The following ORC1 variants were observed in gnomAD, a reference collection of about 807,000 sequenced individuals.
ORC1 encodes origin recognition complex subunit 1.
A neutral mutation model predicts 98.9 loss-of-function variants in ORC1; 61 were observed. The observed-to-expected ratio is 0.62, with a 90% CI of 0.50 to 0.76. ORC1 has a LOEUF of 0.76. ORC1 is among the 30% of genes least tolerant of loss of function. The pLI is 0.00. For missense variants in ORC1, 979 were observed against 1,072.2 expected, an observed-to-expected ratio of 0.91 and a Z score of 1.21; for synonymous variants, 385 against 406.9, an observed-to-expected ratio of 0.95 and a Z score of 0.65.
At position 52,391,600 on chromosome 1, in the gene ORC1, T is replaced by C. The variant is rs58156353; in HGVS notation, c.1082+1843A>G. 9.4e-3 allele frequency among the ~76,000 whole-genome samples: 1,422 copies of C among 151,724 alleles called. 64 individuals carry two copies. The East Asian group carries it at 0.12, about 13-fold the overall frequency. On this transcript the variant is annotated intron_variant, in intron 6 of 16. Transcript: ENST00000371568. The stretch of plus-strand genomic sequence containing the variant: ...AGCAAGAAAAAAACAAATAATCCCA[T>C]CAAAAAGTGGGCAAAGAGCTGGGTG...
In ORC1 at chr1:52,393,443, C is replaced by G. The variant is rs913318852; in HGVS notation, c.1082G>C (p.Arg361Thr). 1.2e-6 allele frequency: 2 copies of G among 1,614,142 alleles called. No homozygotes were observed. Among genetic ancestry groups the G allele is most frequent in the Non-Finnish European group, 1.7e-6 (2 of 1,180,012 alleles). The change falls in exon 6 of 17, where the codon AGG (arginine) becomes ACG (threonine). Residue 361 changes from arginine to threonine, a missense_variant and splice_region_variant. By Grantham distance (71) the Arg-to-Thr change is moderately conservative. Transcript: ENST00000371568. ...CTCTGTGGGTAATGTCCCTGGTCAC[C>G]TCTTTTTGATGTTTTCTGGTTTCAG... ...VILKPENIKK[R>T]DAKEAKAQNE...
intron 13 of ORC1, among the ~76,000 whole-genome samples, chr1:52,383,171 C>G (rs897753187): frequency 6.6e-6 from 1 of 151,848 alleles, no homozygotes; most frequent in Admixed American, 6.6e-5. Flanking sequence ...GGAGTTCAAG[C>G]AATTCTCCTG....
intron 12 of ORC1, 61 bp downstream of exon 12, chr1:52,383,769 C>A: frequency 6.9e-7 from 1 of 1,451,102 alleles, no homozygotes. Flanking sequence ...TCCCTCCCAT[C>A]CAGCACTTGC....
chr1:52,383,852 G>A lies in ORC1; in HGVS notation c.1841C>T (p.Thr614Ile). ...QFCTRGSPQE[T>I]TVLLVDELDL... is the part of the protein sequence containing the mutation. ...CACCTCATCCACAAGCAGGACGGTG[G>A]TTTCCTGAGGTGACCCTCGGGTGCA... is the stretch of plus-strand genomic sequence containing the variant. Residue 614 changes from threonine to isoleucine, a missense_variant, in exon 12 of 17, where the codon ACC becomes ATC. By Grantham distance (89) the Thr-to-Ile change is moderately conservative. Coordinates refer to ENST00000371568, the MANE Select transcript of ORC1 (RefSeq NM_004153.4). 2 of 1,614,050 alleles carry A rather than the reference G, an allele frequency of 1.2e-6. No individual in the cohort carries two copies. The highest frequency in any genetic ancestry group is 1.7e-6 in the Non-Finnish European group (2 of 1,179,928).
chr1:52,407,535 C>T (rs1648032801), upstream of ORC1, among the ~76,000 whole-genome samples: 1 of 152,210 alleles, frequency 6.6e-6, no homozygotes, highest in Non-Finnish European at 1.5e-5. Context: ...AGAATTTGAA[C>T]CCAGATGACT....
At position 52,385,933 on chromosome 1, in the gene ORC1, G is replaced by A. The variant is rs751306629; in HGVS notation, c.1400C>T (p.Pro467Leu). The A allele has an allele frequency of 1.2e-6, 2 of 1,613,370 alleles. No homozygotes were observed. The highest frequency in any genetic ancestry group is 1.7e-6 in the Non-Finnish European group (2 of 1,179,820). ...ACGGATCTGAGGAGCGGCACAACGT[G>A]GCGTTCTAGGCTTGAGCTGTATTGA... Reference protein sequence around the residue: ...VPKKSLKPRTPRCAAPQIRSR... With the variant: ...VPKKSLKPRTLRCAAPQIRSR... The change falls in exon 9 of 17, where the codon CCA becomes CTA. Residue 467 changes from proline to leucine, a missense_variant. Coordinates refer to ENST00000371568, the MANE Select transcript of ORC1 (RefSeq NM_004153.4).
upstream of ORC1, among the ~76,000 whole-genome samples, chr1:52,406,462 C>G (rs1273283739): frequency 6.6e-6 from 1 of 152,170 alleles, no homozygotes; most frequent in Non-Finnish European, 1.5e-5. Flanking sequence ...AATCAAACAA[C>G]AAAAGGTGGT....
At chr1:52,401,609 C>A in intron 2 of ORC1, 120 bp from the exon 3 acceptor site, 1 of 1,206,390 alleles carries the variant, frequency 8.3e-7, no homozygotes, top group Non-Finnish European at 1.2e-6. Context: ...ACCAACTCTC[C>A]TACTGGGAAA....
intron 8 of ORC1, 95 bp from the exon 9 acceptor site, chr1:52,386,044 G>C (rs1647139403): frequency 1.1e-6 from 1 of 922,678 alleles, no homozygotes; most frequent in African/African-American, 1.6e-5. Context: ...CTGATAAAAG[G>C]AAGAGAGGTG....
At chr1:52,403,091 T>C (rs545001551) in intron 1 of ORC1, among the ~76,000 whole-genome samples, 1 of 152,336 alleles carries the variant, frequency 6.6e-6, no homozygotes, top group African/African-American at 2.4e-5. Flanking sequence ...TTGCTTTTGG[T>C]GTACTTATTA....
intron 1 of ORC1, among the ~76,000 whole-genome samples, chr1:52,403,983 A>C (rs546948927): frequency 9.0e-4 from 137 of 152,248 alleles, no homozygotes; most frequent in African/African-American, 3.2e-3. Flanking sequence ...GGAGGGCAGG[A>C]ATGCTCCTGC....
chr1:52,405,235 A>G (rs1170084828), upstream of ORC1, among the ~76,000 whole-genome samples: 1 of 152,216 alleles, frequency 6.6e-6, no homozygotes, highest in Non-Finnish European at 1.5e-5. Flanking sequence ...GCCTGAAACC[A>G]AATTCATGAT....
chr1:52,378,462 C>T (rs1048149293), intron 14 of ORC1, among the ~76,000 whole-genome samples: 1 of 151,584 alleles, frequency 6.6e-6, no homozygotes, highest in Non-Finnish European at 1.5e-5. Flanking sequence ...GAGTTCAAGA[C>T]CAGCCTGGAC....
chr1:52,393,808 G>A lies in ORC1; in HGVS notation c.722-5C>T, dbSNP rs1647283470. On this transcript the variant is annotated splice_polypyrimidine_tract_variant and splice_region_variant and intron_variant, in intron 5 of 16. Transcript: ENST00000371568. ...ACATCTGAGGGTTACCTAAGTCTAA[G>A]AGAAATCATCACAATGTGTAAATTT... 3 of 1,611,630 alleles carry A rather than the reference G, an allele frequency of 1.9e-6. No homozygotes were observed. Among genetic ancestry groups the A allele is most frequent in the African/African-American group, 2.7e-5 (2 of 75,026 alleles).
intron 1 of ORC1, among the ~76,000 whole-genome samples, chr1:52,403,699 G>T (rs998559773): frequency 1.3e-5 from 2 of 152,158 alleles, no homozygotes; most frequent in Non-Finnish European, 2.9e-5. Flanking sequence ...GGGGCCACCA[G>T]ACTTCTCTTC....
At chr1:52,406,793 T>A (rs1648009706), upstream of ORC1, among the ~76,000 whole-genome samples, 1 of 152,230 alleles carries the variant, frequency 6.6e-6, no homozygotes, top group Non-Finnish European at 1.5e-5. Context: ...CACAACAACC[T>A]TCTAAACTTT....
upstream of ORC1, chr1:52,404,624 A>C: frequency 9.4e-7 from 1 of 1,069,206 alleles, no homozygotes; most frequent in East Asian, 2.5e-5. Flanking sequence ...TTCCGGCTTC[A>C]AGATGGTCGC....
intron 1 of ORC1, among the ~76,000 whole-genome samples, chr1:52,402,502 GA>G (rs1460244196): frequency 6.6e-6 from 1 of 152,184 alleles, no homozygotes; most frequent in Non-Finnish European, 1.5e-5. Context: ...CCTAAGAAAT[GA>G]AACTGTAACA....
chr1:52,373,531 G>A (rs567614495), intron 16 of ORC1, among the ~76,000 whole-genome samples, 156 bp from the exon 17 acceptor site: 1 of 152,300 alleles, frequency 6.6e-6, no homozygotes, highest in South Asian at 2.1e-4. Context: ...TACACAAAAT[G>A]CAGAGGCAGA....
Sources: gnomAD v4.1 joint callset for allele counts (sites outside exome capture counted in the v4.1 genomes callset) on GRCh38, gnomAD v4.1.1 for gene constraint, MANE v1.5 for transcripts, NCBI Gene and HGNC (gene_info 2026-07-23, HGNC 2026-07-21) for gene names.